The following LRRIQ3 variants were observed in gnomAD, a reference collection of about 807,000 sequenced individuals.
LRRIQ3 encodes the protein leucine rich repeats and IQ motif containing 3, also known as leucine-rich repeat and IQ domain-containing protein 3.
LRRIQ3 carries 75 observed loss-of-function variants against 59.3 expected under a neutral mutation model. The observed-to-expected ratio is 1.26, with a 90% CI of 1.05 to 1.53. The LOEUF is 1.53. LRRIQ3 is among the 40% of genes most tolerant of loss of function. The pLI, the probability that LRRIQ3 is intolerant of heterozygous loss-of-function variation, is 0.00. For synonymous variants in LRRIQ3, 250 were observed against 231.3 expected (o/e 1.08, Z -0.73); for missense variants, 831 against 710.0 (o/e 1.17, Z -1.94).
intron 5 of LRRIQ3, among the ~76,000 whole-genome samples, chr1:74,091,344 A>G (rs892397194): frequency 1.5e-4 from 23 of 152,160 alleles, no homozygotes; most frequent in African/African-American, 5.5e-4. Flanking sequence ...CTTCATTCTA[A>G]GGCCTAAAAT....
chr1:74,164,196 G>A (rs1339835611), intron 3 of LRRIQ3, among the ~76,000 whole-genome samples: 1 of 151,208 alleles, frequency 6.6e-6, no homozygotes, highest in Non-Finnish European at 1.5e-5. Context: ...CAGATACAGG[G>A]TGCTATAGGC....
chr1:74,083,957 G>T, intron 5 of LRRIQ3: 1 of 401,984 alleles, frequency 2.5e-6, no homozygotes, highest in East Asian at 3.8e-5. Flanking sequence ...ATATGAGGAA[G>T]GAAATAATAT....
intron 4 of LRRIQ3, among the ~76,000 whole-genome samples, chr1:74,141,418 A>G (rs949322825): frequency 2.0e-5 from 3 of 151,906 alleles, no homozygotes; most frequent in Non-Finnish European, 4.4e-5. Flanking sequence ...ACACAAAAGT[A>G]TAACTATGGC....
intron 6 of LRRIQ3, among the ~76,000 whole-genome samples, chr1:74,045,469 TAAG>T (rs1654173589): frequency 6.6e-6 from 1 of 152,096 alleles, no homozygotes; most frequent in Non-Finnish European, 1.5e-5. Context: ...CTCAAAATAA[TAAG>T]AGCTATTTAT....
chr1:74,107,912 A>T (rs1416092076), intron 5 of LRRIQ3, among the ~76,000 whole-genome samples: 1 of 151,716 alleles, frequency 6.6e-6, no homozygotes, highest in African/African-American at 2.4e-5. Context: ...GAATTATTCA[A>T]AATACAAGGG....
intron 4 of LRRIQ3, among the ~76,000 whole-genome samples, chr1:74,152,786 G>T (rs962819923): frequency 2.0e-5 from 3 of 152,068 alleles, no homozygotes; most frequent in Non-Finnish European, 4.4e-5. Context: ...GACTTCAGGG[G>T]TGTTGTTAGA....
At position 74,182,664 on chromosome 1, in the gene LRRIQ3, C is replaced by A; in HGVS notation, c.447G>T (p.Trp149Cys). 6.2e-7 allele frequency: 1 copy of A among 1,612,336 alleles called. No individual in the cohort carries two copies. ...GYRHVLVNSIWPLKALDHHVI... is the reference protein window; with the variant it reads ...GYRHVLVNSICPLKALDHHVI... Reference sequence around the variant, plus strand: ...CATGATGATCCAGCGCTTTGAGAGGCCATATACTGTTAACAAGAACATGTC... The same window carrying A: ...CATGATGATCCAGCGCTTTGAGAGGACATATACTGTTAACAAGAACATGTC... The change falls in exon 3 of 8, where the codon TGG becomes TGT. Residue 149 changes from tryptophan to cysteine, a missense_variant. Physicochemically the swap from Trp to Cys is radical, Grantham distance 215. Coordinates refer to ENST00000354431, the MANE Select transcript of LRRIQ3 (RefSeq NM_001105659.2).
chr1:74,040,457 G>A (rs1654010269), intron 7 of LRRIQ3, among the ~76,000 whole-genome samples: 1 of 152,170 alleles, frequency 6.6e-6, no homozygotes, highest in South Asian at 2.1e-4. Flanking sequence ...GACATCTACA[G>A]AATTCTCTAC....
chr1:74,170,332 C>CT (rs1209026486), intron 3 of LRRIQ3, among the ~76,000 whole-genome samples: 3 of 151,922 alleles, frequency 2.0e-5, no homozygotes, highest in African/African-American at 7.2e-5. Context: ...GATTTTAATT[C>CT]TTTTTTGAGT....
At chr1:74,053,592 G>C (rs1654437357) in intron 6 of LRRIQ3, among the ~76,000 whole-genome samples, 1 of 152,114 alleles carries the variant, frequency 6.6e-6, no homozygotes, top group South Asian at 2.1e-4. Flanking sequence ...CTTTGGCTAA[G>C]GCAGGAGGAT....
chr1:74,160,055 T>C (rs1648569766), intron 3 of LRRIQ3, among the ~76,000 whole-genome samples: 1 of 152,090 alleles, frequency 6.6e-6, no homozygotes. Flanking sequence ...GAATACAGGA[T>C]GATTTTTCTA....
chr1:74,073,911 A>G (rs1478599101), intron 6 of LRRIQ3, among the ~76,000 whole-genome samples: 1 of 152,204 alleles, frequency 6.6e-6, no homozygotes, highest in Non-Finnish European at 1.5e-5. Context: ...TATCAGAATA[A>G]ATGTTGTAAA....
chr1:74,125,396 A>T (rs1646920366), intron 4 of LRRIQ3, among the ~76,000 whole-genome samples: 2 of 151,994 alleles, frequency 1.3e-5, no homozygotes. Flanking sequence ...TACTATGTTG[A>T]ATAACAGTGA....
At chr1:74,053,119 A>G (rs1302120935) in intron 6 of LRRIQ3, among the ~76,000 whole-genome samples, 1 of 151,476 alleles carries the variant, frequency 6.6e-6, no homozygotes, top group Non-Finnish European at 1.5e-5. Context: ...AAGGCAAAAC[A>G]ATGAAGTGAG....
chr1:74,162,029 G>A (rs1206068397), intron 3 of LRRIQ3, among the ~76,000 whole-genome samples: 2 of 151,780 alleles, frequency 1.3e-5, no homozygotes, highest in African/African-American at 2.4e-5. Flanking sequence ...TGCTAGCTGT[G>A]TATTATAGGG....
intron 3 of LRRIQ3, among the ~76,000 whole-genome samples, chr1:74,171,579 T>C (rs1649323685): frequency 6.6e-6 from 1 of 152,194 alleles, no homozygotes; most frequent in Admixed American, 6.5e-5. Flanking sequence ...TGTATCCATG[T>C]TCATCACAGA....
chr1:74,143,870 C>T (rs985808135), intron 4 of LRRIQ3, among the ~76,000 whole-genome samples: 4 of 151,286 alleles, frequency 2.6e-5, no homozygotes, highest in Non-Finnish European at 5.9e-5. Context: ...ATATTAAGTA[C>T]ATTATAAATG....
intron 4 of LRRIQ3, among the ~76,000 whole-genome samples, chr1:74,151,651 T>C (rs1044238882): frequency 6.6e-6 from 1 of 152,068 alleles, no homozygotes; most frequent in Non-Finnish European, 1.5e-5. Flanking sequence ...TATGGTAAGA[T>C]CTAAAGGATC....
At chr1:74,102,081 T>G (rs1646543545) in intron 5 of LRRIQ3, among the ~76,000 whole-genome samples, 1 of 151,088 alleles carries the variant, frequency 6.6e-6, no homozygotes, top group Non-Finnish European at 1.5e-5. Flanking sequence ...AAGAAAATTC[T>G]CAAGTTTGTA....
Sources: gnomAD v4.1 joint callset for allele counts (sites outside exome capture counted in the v4.1 genomes callset) on GRCh38, gnomAD v4.1.1 for gene constraint, MANE v1.5 for transcripts, NCBI Gene and HGNC (gene_info 2026-07-23, HGNC 2026-07-21) for gene names.